DCAF5: variants seen among roughly 807,000 people sequenced by gnomAD.
DCAF5 encodes DDB1- and CUL4-associated factor 5.
In DCAF5, 9 loss-of-function variants were observed where a neutral mutation model predicts 80.7. The observed-to-expected ratio is 0.11, with a 90% CI of 0.07 to 0.19. The LOEUF (loss-of-function observed/expected upper bound fraction) is 0.19, where lower values mean the gene tolerates loss of function less well. Ranked by LOEUF, DCAF5 falls within the 10% of genes least tolerant of loss-of-function variation. The probability of loss-of-function intolerance (pLI) is 1.00; values close to 1 mark genes in which losing one functional copy is unlikely to be tolerated. For missense variants in DCAF5, 842 were observed against 1,205.7 expected, an observed-to-expected ratio of 0.70 and a Z score of 4.47; for synonymous variants, 433 against 461.9, an observed-to-expected ratio of 0.94 and a Z score of 0.80.
At chr14:69,127,872 T>C (rs2040924220) in intron 1 of DCAF5, among the ~76,000 whole-genome samples, 2 of 152,146 alleles carry the variant, frequency 1.3e-5, no homozygotes, top group Non-Finnish European at 2.9e-5. Context: ...AATAATAATA[T>C]TGGAAGTAAA....
chr14:69,116,056 G>A (rs1366843569), intron 5 of DCAF5, among the ~76,000 whole-genome samples: 1 of 151,946 alleles, frequency 6.6e-6, no homozygotes, highest in African/African-American at 2.4e-5. Context: ...TATGCATCTG[G>A]GGAACCCTGG....
Position 69,053,801 on chromosome 14 carries a change from ATTTT to A in DCAF5, c.*52_*55del. On this transcript the variant is annotated 3_prime_UTR_variant, in exon 9 of 9. Transcript: ENST00000341516. ...TCCTTTCCTCTGTATTCACTAAACA[ATTTT>A]TTTTTTTTTGTAAGGCTACTTTTGT... The A allele has an allele frequency of 7.9e-7, 1 of 1,259,128 alleles. No individual in the cohort carries two copies. Among genetic ancestry groups the A allele is most frequent in the Non-Finnish European group, 1.1e-6 (1 of 941,262 alleles). The allele number at this position is 1,259,128 out of a possible 1,614,324, so 78.0% of individuals were successfully genotyped here.
intron 6 of DCAF5, among the ~76,000 whole-genome samples, chr14:69,087,750 A>G (rs2039391057): frequency 6.6e-6 from 1 of 152,200 alleles, no homozygotes; most frequent in Non-Finnish European, 1.5e-5. Context: ...TGCTCAGTAA[A>G]TATATGCTCT....
At chr14:69,100,614 A>G (rs1330833875) in intron 5 of DCAF5, among the ~76,000 whole-genome samples, 1 of 152,212 alleles carries the variant, frequency 6.6e-6, no homozygotes, top group Admixed American at 6.5e-5. Flanking sequence ...CTGAAACTAC[A>G]CTCAGTTTTA....
At chr14:69,111,911 C>T (rs2040381348) in intron 5 of DCAF5, among the ~76,000 whole-genome samples, 1 of 152,180 alleles carries the variant, frequency 6.6e-6, no homozygotes, top group South Asian at 2.1e-4. Context: ...TTTCCAACTC[C>T]AGTGTCTACA....
rs372958732 is a variant in DCAF5, at chr14:69,055,504, C to T, written c.1182G>A (p.Leu394=). The T allele has an allele frequency of 8.1e-6, 13 of 1,614,190 alleles. No individual in the cohort carries two copies. The highest frequency in any genetic ancestry group is 8.0e-5 in the African/African-American group (6 of 75,044). Residue 394 remains leucine, a synonymous_variant, in exon 9 of 9, where the codon CTG becomes CTA. Coordinates refer to ENST00000341516, the MANE Select transcript of DCAF5 (RefSeq NM_003861.3). The surrounding 1 kb of genome is among the most constrained non-coding windows in gnomAD (Gnocchi z 5.6). ...YTHEEYISLV[L]NSGSGLSHDY... ...CATGCGACAGGCCACTCCCACTGTT[C>T]AGCACAAGGCTGATGTACTCTTCAT...
At chr14:69,139,143 CCT>C (rs993341307) in intron 1 of DCAF5, among the ~76,000 whole-genome samples, 1 of 151,398 alleles carries the variant, frequency 6.6e-6, no homozygotes, top group African/African-American at 2.4e-5. Context: ...AGAGTATAAT[CCT>C]GTCTCAAAAA....
Position 69,091,253 on chromosome 14 carries a change from C to T in DCAF5, c.879+421G>A. 10 of 686,130 alleles carry T rather than the reference C, an allele frequency of 1.5e-5. No individual in the cohort carries two copies. The South Asian group carries it at 1.5e-4, about 10-fold the overall frequency. The allele number at this position is 686,130 out of a possible 1,614,324, so 42.5% of individuals were successfully genotyped here. A position where few individuals can be genotyped will look rare whatever the true frequency, so the allele number is the denominator to read the frequency against. On this transcript the variant is annotated intron_variant, in intron 6 of 8. Coordinates refer to ENST00000341516, the MANE Select transcript of DCAF5 (RefSeq NM_003861.3). ...AGAAAAAGATGGCATCCCAAGAGGCCATTCAAGATACATGTCTCTTGGATG... is the reference window on the plus strand; with the variant it reads ...AGAAAAAGATGGCATCCCAAGAGGCTATTCAAGATACATGTCTCTTGGATG...
At position 69,051,731 on chromosome 14, in the gene DCAF5, G is replaced by A. The variant is rs1296212620; in HGVS notation, c.*2126C>T. 1.2e-4 allele frequency: 19 copies of A among 152,518 alleles called. No homozygotes were observed. Among genetic ancestry groups the A allele is most frequent in the Admixed American group, 9.2e-4 (14 of 15,286 alleles). The allele number at this position is 152,518 out of a possible 1,614,324, so 9.4% of individuals were successfully genotyped here. On this transcript the variant is annotated 3_prime_UTR_variant, in exon 9 of 9. Coordinates refer to ENST00000341516, the MANE Select transcript of DCAF5 (RefSeq NM_003861.3). ...CTTCTTTTCAGGAAGATATGTATCC[G>A]ATTGTCCTTTGAGAAGTCAGAAGAG...
chr14:69,083,841 G>C, intron 6 of DCAF5: 1 of 739,726 alleles, frequency 1.4e-6, no homozygotes, highest in South Asian at 1.5e-5. Flanking sequence ...ATGTTGAGAA[G>C]CCAGATGATG....
intron 1 of DCAF5, among the ~76,000 whole-genome samples, chr14:69,138,242 A>G (rs1490101146): frequency 6.6e-6 from 1 of 152,232 alleles, no homozygotes; most frequent in Non-Finnish European, 1.5e-5. Flanking sequence ...ATGGAAATTC[A>G]GCATGGGGGA....
intron 6 of DCAF5, chr14:69,085,398 CT>C: frequency 1.8e-6 from 1 of 552,552 alleles, no homozygotes; most frequent in Non-Finnish European, 3.4e-6. Flanking sequence ...GAAGACATGC[CT>C]TTCTTTCATC....
chr14:69,080,273 G>C (rs2039052289), intron 6 of DCAF5, among the ~76,000 whole-genome samples: 1 of 152,138 alleles, frequency 6.6e-6, no homozygotes, highest in African/African-American at 2.4e-5. Flanking sequence ...GGGCCACTGA[G>C]TGGGGCGCTG....
At chr14:69,105,943 A>ATATATATATATCTATC (rs1223858774) in intron 5 of DCAF5, among the ~76,000 whole-genome samples, 2 of 74,172 alleles carry the variant, frequency 2.7e-5, no homozygotes, top group African/African-American at 7.6e-5. Flanking sequence ...ATATATATAT[A>ATATATATATATCTATC]TATCTCCTAT....
chr14:69,055,137 G>A lies in DCAF5; in HGVS notation c.1549C>T (p.Arg517Trp), dbSNP rs1127817. 9.9e-6 allele frequency: 16 copies of A among 1,614,242 alleles called. No individual in the cohort carries two copies. Among genetic ancestry groups the A allele is most frequent in the East Asian group, 4.5e-5 (2 of 44,880 alleles). The change falls in exon 9 of 9, where the codon CGG becomes TGG. Residue 517 changes from arginine (R) to tryptophan (W), a missense_variant. Around this residue, in one of 5 missense-constraint regions of DCAF5, gnomAD observed 607 missense variants for 656.6 expected, o/e 0.92. Transcript: ENST00000341516. The surrounding 1 kb of genome is among the most constrained non-coding windows in gnomAD (Gnocchi z 5.6). ...AGGAGGCGTTTGTCTTGGTAGCGCC[G>A]CAGAGCAGACAGACGCTGCTGGCGA... ...ASRQQRLSAL[R>W]RYQDKRLLAL...
At position 69,054,184 on chromosome 14, in the gene DCAF5, A is replaced by C; in HGVS notation, c.2502T>G (p.Asn834Lys). 1 of 1,614,158 alleles carries C rather than the reference A, an allele frequency of 6.2e-7. No individual in the cohort carries two copies. Among genetic ancestry groups the C allele is most frequent in the Non-Finnish European group, 8.5e-7 (1 of 1,180,028 alleles). Residue 834 changes from asparagine (N) to lysine (K), a missense_variant, in exon 9 of 9, where the codon AAT becomes AAG. Coordinates refer to ENST00000341516, the MANE Select transcript of DCAF5 (RefSeq NM_003861.3). Reference sequence around the variant, plus strand: ...GAGGGGGACGAGGGTGTAAGCGTCCATTGTTGTGGTTGGCACAGATGGTTT... The same window carrying C: ...GAGGGGGACGAGGGTGTAAGCGTCCCTTGTTGTGGTTGGCACAGATGGTTT... ...SLETICANHN[N>K]GRLHPRPPHP...
chr14:69,126,476 A>G (rs1447642927), intron 1 of DCAF5, among the ~76,000 whole-genome samples: 2 of 152,136 alleles, frequency 1.3e-5, no homozygotes, highest in Non-Finnish European at 1.5e-5. Flanking sequence ...TATTTTTAAG[A>G]TATCAGTTCT....
At chr14:69,123,743 G>A (rs2040795333) in intron 1 of DCAF5, among the ~76,000 whole-genome samples, 1 of 152,074 alleles carries the variant, frequency 6.6e-6, no homozygotes, top group African/African-American at 2.4e-5. Flanking sequence ...CCAGGCTGGA[G>A]TATGCAGTGC....
rs1433623123 is a variant in DCAF5, at chr14:69,118,300, C to A, written c.396-22G>T. On this transcript the variant is annotated intron_variant, in intron 3 of 8. Transcript: ENST00000341516. This position sits in a 1 kb window ranked among gnomAD's most constrained non-coding sequence, Gnocchi z 4.0. ...ACTGCTGGGAGATAAGAGAGCAAGA[C>A]AGAGGCACACACATACACACAAGCA... 6.2e-7 allele frequency: 1 copy of A among 1,612,608 alleles called. No individual in the cohort carries two copies. The highest frequency in any genetic ancestry group is 8.5e-7 in the Non-Finnish European group (1 of 1,179,084).
Sources: allele counts gnomAD v4.1 joint callset (sites outside exome capture counted in the v4.1 genomes callset), GRCh38; gene constraint gnomAD v4.1.1; regional missense constraint gnomAD v4.1.1; non-coding constraint Gnocchi (gnomAD v3.1); transcripts MANE v1.5; gene names NCBI Gene and HGNC (gene_info 2026-07-23, HGNC 2026-07-21).